Variants in VCAN observed in about 807,000 individuals in gnomAD.
VCAN encodes the protein versican.
VCAN carries 44 observed loss-of-function variants against 245.5 expected under a neutral mutation model. That is an observed-to-expected ratio of 0.18 (90% CI 0.14 to 0.23). VCAN has a LOEUF of 0.23. Ranked by LOEUF, VCAN falls within the 10% of genes least tolerant of loss-of-function variation. VCAN has a pLI of 1.00. For synonymous variants in VCAN, 1,413 were observed against 1,437.0 expected (o/e 0.98, Z 0.38); for missense variants, 3,793 against 4,057.9 (o/e 0.93, Z 1.77).
At position 83,540,068 on chromosome 5, in the gene VCAN, C is replaced by G; in HGVS notation, c.7065C>G (p.Ile2355Met). Reference sequence around the variant, plus strand: ...CACCTCTCCCTTTCTCCACGGACATCGGACATCCTCAAAATCAGACTGTCA... The same window carrying G: ...CACCTCTCCCTTTCTCCACGGACATGGGACATCCTCAAAATCAGACTGTCA... The part of the protein sequence containing the change: ...TVAPLPFSTD[I>M]GHPQNQTVRW... Residue 2355 changes from isoleucine (I) to methionine (M), a missense_variant, in exon 8 of 15, where the codon ATC becomes ATG. Coordinates refer to ENST00000265077, the MANE Select transcript of VCAN (RefSeq NM_004385.5). 6.2e-7 allele frequency: 1 copy of G among 1,614,054 alleles called. No homozygotes were observed. The highest frequency in any genetic ancestry group is 8.5e-7 in the Non-Finnish European group (1 of 1,179,982).
chr5:83,474,619 G>C (rs1372812026), intron 1 of VCAN, among the ~76,000 whole-genome samples: 1 of 152,176 alleles, frequency 6.6e-6, no homozygotes. Context: ...TCCCAGCCGA[G>C]ACGGGTGTGA....
chr5:83,550,810 C>G (rs1383744362), intron 10 of VCAN, among the ~76,000 whole-genome samples: 1 of 138,796 alleles, frequency 7.2e-6, no homozygotes. Flanking sequence ...TAGCTTGAAC[C>G]TGGGAGGCAG....
intron 12 of VCAN, among the ~76,000 whole-genome samples, chr5:83,560,530 A>G (rs1024866241): frequency 2.0e-5 from 3 of 152,166 alleles, no homozygotes; most frequent in African/African-American, 7.2e-5. Flanking sequence ...AGAGGAAGCC[A>G]GACAGGCAGG....
chr5:83,540,371 C>T lies in VCAN; in HGVS notation c.7368C>T (p.Ser2456=). Residue 2456 remains serine, a synonymous_variant, in exon 8 of 15, where the codon AGC becomes AGT. Transcript: ENST00000265077. ...CTCAGGCAACCAGACAAGAAAGCAG[C>T]ACCACATTTGTTTCTGATGGGTCCC... ...ATTQATRQES[S]TTFVSDGSLE... The T allele has an allele frequency of 1.9e-6, 3 of 1,614,044 alleles. No homozygotes were observed. The highest frequency in any genetic ancestry group is 2.5e-6 in the Non-Finnish European group (3 of 1,179,954).
At chr5:83,516,008 G>A (rs993833408) in intron 6 of VCAN, among the ~76,000 whole-genome samples, 16 of 152,280 alleles carry the variant, frequency 1.1e-4, no homozygotes, top group African/African-American at 3.8e-4. Flanking sequence ...CAAGGTGGGC[G>A]GATCATGAGG....
Position 83,512,192 on chromosome 5 carries a change from G to A in VCAN, c.838G>A (p.Val280Met), listed in dbSNP as rs1745685350. 1 of 1,614,174 alleles carries A rather than the reference G, an allele frequency of 6.2e-7. No individual in the cohort carries two copies. The highest frequency in any genetic ancestry group is 8.5e-7 in the Non-Finnish European group (1 of 1,180,038). Residue 280 changes from valine to methionine, a missense_variant, in exon 6 of 15, where the codon GTG becomes ATG. Val to Met is a conservative substitution (Grantham distance 21). This residue lies in a region of VCAN where 190 missense variants were observed against 288.6 expected (regional missense o/e 0.66). Transcript: ENST00000265077. ...CENQDARLAT[V>M]GELQAAWRNG... Reference sequence around the variant, plus strand: ...AAACCAGGATGCCAGGCTGGCAACAGTGGGGGAACTCCAGGCGGCATGGAG... The same window carrying A: ...AAACCAGGATGCCAGGCTGGCAACAATGGGGGAACTCCAGGCGGCATGGAG...
intron 12 of VCAN, among the ~76,000 whole-genome samples, chr5:83,555,489 G>A (rs1459766678): frequency 2.0e-5 from 3 of 152,210 alleles, no homozygotes; most frequent in African/African-American, 4.8e-5. Context: ...TTATCTTAAA[G>A]AAGACTGTTG....
In VCAN at chr5:83,538,407, T is replaced by A; in HGVS notation, c.5404T>A (p.Leu1802Met). 6.2e-7 allele frequency: 1 copy of A among 1,613,900 alleles called. No individual in the cohort carries two copies. Among genetic ancestry groups the A allele is most frequent in the Non-Finnish European group, 8.5e-7 (1 of 1,179,946 alleles). Residue 1802 changes from leucine (L) to methionine (M), a missense_variant, in exon 8 of 15, where the codon TTG (leucine) becomes ATG (methionine). This residue lies in a region of VCAN where 3,182 missense variants were observed against 3,250.3 expected (regional missense o/e 0.98). Coordinates refer to ENST00000265077, the MANE Select transcript of VCAN (RefSeq NM_004385.5). ...VFTETNTLEN[L>M]GAQTTEHSSI... ...TACAGAAACAAATACATTAGAAAAT[T>A]TGGGGGCACAGACCACTGAGCACAG...
intron 5 of VCAN, among the ~76,000 whole-genome samples, chr5:83,507,885 A>C (rs1020433827): frequency 1.3e-5 from 2 of 152,226 alleles, no homozygotes; most frequent in African/African-American, 4.8e-5. Flanking sequence ...TGCTTTTCTC[A>C]GTGTAGAAAT....
rs1032374211 is a variant in VCAN, at chr5:83,474,672, G to A, written c.-7+2649G>A. 2.6e-5 allele frequency among the ~76,000 whole-genome samples: 4 copies of A among 152,146 alleles called. No homozygotes were observed. In the East Asian group the frequency reaches 7.8e-4, roughly 30 times the overall value. ...CTGCAGTACAGCCGCACAGGCGGCC[G>A]GCGCAGCCGAGGCCCCCACCCACCG... On this transcript the variant is annotated intron_variant, in intron 1 of 14. Coordinates refer to ENST00000265077, the MANE Select transcript of VCAN (RefSeq NM_004385.5).
At chr5:83,542,380 T>C (rs1478086862) in intron 8 of VCAN, 112 bp downstream of exon 8, 12 of 1,177,336 alleles carry the variant, frequency 1.0e-5, no homozygotes, top group Non-Finnish European at 1.5e-5. Context: ...GAGAGTTTCA[T>C]ATTATTCACA....
At chr5:83,490,597 C>T in intron 3 of VCAN, 125 bp downstream of exon 3, 11 of 1,388,210 alleles carry the variant, frequency 7.9e-6, no homozygotes, top group Non-Finnish European at 9.8e-6. Flanking sequence ...CCTGTCAATC[C>T]AGTAGTCCAC....
rs1356197956 is a variant in VCAN, at chr5:83,519,921, G to C, written c.1615G>C (p.Val539Leu). 2 of 1,614,120 alleles carry C rather than the reference G, an allele frequency of 1.2e-6. No individual in the cohort carries two copies. The highest frequency in any genetic ancestry group is 2.2e-5 in the East Asian group (1 of 44,878). The change falls in exon 7 of 15, where the codon GTT becomes CTT. Residue 539 changes from valine to leucine, a missense_variant. Around this residue, in one of 5 missense-constraint regions of VCAN, gnomAD observed 3,182 missense variants for 3,250.3 expected, o/e 0.98. Coordinates refer to ENST00000265077, the MANE Select transcript of VCAN (RefSeq NM_004385.5). The part of the protein sequence containing the change: ...SKTEKKMVST[V>L]SELVTTGHYG... ...AACTGAAAAGAAAATGGTAAGCACTGTTTCTGAATTGGTAACCACAGGTCA... is the reference window on the plus strand; with the variant it reads ...AACTGAAAAGAAAATGGTAAGCACTCTTTCTGAATTGGTAACCACAGGTCA...
intron 13 of VCAN, among the ~76,000 whole-genome samples, chr5:83,576,298 C>G (rs1748474900): frequency 6.6e-6 from 1 of 152,008 alleles, no homozygotes; most frequent in Admixed American, 6.6e-5. Flanking sequence ...CATTTTTGAA[C>G]TTTAAATAAG....
chr5:83,506,974 C>A (rs1745500358), intron 5 of VCAN, among the ~76,000 whole-genome samples: 2 of 152,166 alleles, frequency 1.3e-5, no homozygotes, highest in African/African-American at 2.4e-5. Flanking sequence ...TATTCAAGTA[C>A]CTTCCCGTGG....
At chr5:83,473,212 G>A (rs544035000) in intron 1 of VCAN, among the ~76,000 whole-genome samples, 1 of 152,320 alleles carries the variant, frequency 6.6e-6, no homozygotes, top group South Asian at 2.1e-4. Flanking sequence ...TAGGGCATCC[G>A]GGTTGTTCTG....
At chr5:83,514,470 G>A (rs1745779800) in intron 6 of VCAN, among the ~76,000 whole-genome samples, 1 of 147,204 alleles carries the variant, frequency 6.8e-6, no homozygotes, top group Non-Finnish European at 1.5e-5. Flanking sequence ...TTTTTTTTGA[G>A]GTGGAGTTTC....
In VCAN at chr5:83,572,896, TA is replaced by T. The variant is rs1419728686; in HGVS notation, c.9880+337del. ...TTATTTATTTATTTATTTATTTATT[TA>T]TTTATTATTATTATTGTTTTTTGAG... On this transcript the variant is annotated intron_variant, in intron 13 of 14. Transcript: ENST00000265077. Among the ~76,000 whole-genome samples, 7 of 145,168 alleles carry T rather than the reference TA, an allele frequency of 4.8e-5. No homozygotes were observed. In the East Asian group the frequency reaches 1.4e-3, roughly 29 times the overall value.
At chr5:83,542,893 A>AT (rs1747058025) in intron 8 of VCAN, among the ~76,000 whole-genome samples, 1 of 152,158 alleles carries the variant, frequency 6.6e-6, no homozygotes, top group South Asian at 2.1e-4. Flanking sequence ...TTTTCTGTGT[A>AT]TTTACTGAAT....
Sources: gnomAD v4.1 joint callset for allele counts (sites outside exome capture counted in the v4.1 genomes callset) on GRCh38, gnomAD v4.1.1 for gene constraint, gnomAD v4.1.1 regional missense constraint, MANE v1.5 for transcripts, NCBI Gene and HGNC (gene_info 2026-07-23, HGNC 2026-07-21) for gene names.